The following DPP10 variants were observed in gnomAD, a reference collection of about 807,000 sequenced individuals.
DPP10 encodes inactive dipeptidyl peptidase 10.
Under a neutral mutation model 120.9 loss-of-function variants are expected in DPP10, and 33 were observed. The observed-to-expected ratio is 0.27, with a 90% CI of 0.21 to 0.37. DPP10 has a LOEUF of 0.37. Ranked by LOEUF, DPP10 falls within the 10% of genes least tolerant of loss-of-function variation. The pLI is 1.00. For synonymous variants in DPP10, 337 were observed against 326.1 expected (o/e 1.03, Z -0.36); for missense variants, 816 against 942.8 (o/e 0.87, Z 1.76).
intron 1 of DPP10, among the ~76,000 whole-genome samples, chr2:114,954,379 G>A (rs150545231): frequency 0.012 from 1,827 of 152,032 alleles, 28 homozygotes; most frequent in African/African-American, 0.042. Flanking sequence ...CACAGCGCCC[G>A]GCCAAGAAGG....
In DPP10 at chr2:115,230,921, A is replaced by T. The variant is rs570419434; in HGVS notation, c.61-78318A>T. On this transcript the variant is annotated intron_variant, in intron 1 of 25. Coordinates refer to ENST00000410059, the MANE Select transcript of DPP10 (RefSeq NM_020868.6). Reference sequence around the variant, plus strand: ...TGGCACACCATAGTTGGAAATTTTAAAAGTAAAGCCAAAATTAGCTAATTT... The same window carrying T: ...TGGCACACCATAGTTGGAAATTTTATAAGTAAAGCCAAAATTAGCTAATTT... 6.6e-4 allele frequency among the ~76,000 whole-genome samples: 101 copies of T among 152,220 alleles called. 1 individual carries two copies. The highest frequency in any genetic ancestry group is 2.3e-3 in the African/African-American group (97 of 41,570).
At chr2:114,769,146 T>G (rs1430777562) in intron 1 of DPP10, among the ~76,000 whole-genome samples, 1 of 152,144 alleles carries the variant, frequency 6.6e-6, no homozygotes, top group African/African-American at 2.4e-5. Flanking sequence ...TAGAGTAGAT[T>G]AAATGAATGA....
chr2:115,198,776 G>C (rs1288877505), intron 1 of DPP10, among the ~76,000 whole-genome samples: 2 of 151,996 alleles, frequency 1.3e-5, no homozygotes, highest in East Asian at 3.9e-4. Flanking sequence ...TAAATCTCCA[G>C]TGCCTATGTC....
intron 1 of DPP10, among the ~76,000 whole-genome samples, chr2:115,022,922 C>A (rs184701731): frequency 6.6e-6 from 1 of 151,956 alleles, no homozygotes; most frequent in East Asian, 1.9e-4. Flanking sequence ...TTCAACAAAT[C>A]GTGCTGAGAT....
intron 7 of DPP10, among the ~76,000 whole-genome samples, chr2:115,698,507 A>G (rs922075444): frequency 1.3e-5 from 2 of 152,198 alleles, no homozygotes; most frequent in Admixed American, 1.3e-4. Context: ...TTTGTACAAG[A>G]TCATGTGTGA....
At chr2:114,609,370 C>A (rs974067713) in intron 1 of DPP10, among the ~76,000 whole-genome samples, 1 of 152,056 alleles carries the variant, frequency 6.6e-6, no homozygotes, top group Non-Finnish European at 1.5e-5. Flanking sequence ...GAACTGCTTC[C>A]GTGACAGTCA....
At chr2:115,486,231 C>T (rs2075770305) in intron 3 of DPP10, among the ~76,000 whole-genome samples, 1 of 119,436 alleles carries the variant, frequency 8.4e-6, no homozygotes, top group South Asian at 3.1e-4. Flanking sequence ...GAAATATTTT[C>T]ATAAGGGTGA....
At chr2:114,917,004 G>A (rs1581292) in intron 1 of DPP10, among the ~76,000 whole-genome samples, 149,204 of 152,312 alleles carry the variant, frequency 0.98, 73,139 homozygotes, top group East Asian at 1. Context: ...AAAGTCATCC[G>A]AATAGGAAGA....
In DPP10 at chr2:115,396,777, G is replaced by GTT. The variant is rs530484296; in HGVS notation, c.271+52866_271+52867insTT. On this transcript the variant is annotated intron_variant, in intron 3 of 25. Coordinates refer to ENST00000410059, the MANE Select transcript of DPP10 (RefSeq NM_020868.6). ...TCAATCATCCACAGAGGTCAGAGCC[G>GTT]TATCAGTTTTTCCCATCCTCATTGC... Among the ~76,000 whole-genome samples, 89 of 152,170 alleles carry GTT rather than the reference G, an allele frequency of 5.8e-4. 1 individual carries two copies. In the Middle Eastern group the frequency reaches 0.01, roughly 17 times the overall value.
At chr2:114,966,542 G>A (rs1280958203) in intron 1 of DPP10, among the ~76,000 whole-genome samples, 2 of 152,056 alleles carry the variant, frequency 1.3e-5, no homozygotes, top group African/African-American at 4.8e-5. Flanking sequence ...GATGCAACAG[G>A]CTGATCTTGA....
chr2:114,661,408 CAT>C (rs1334887742), intron 1 of DPP10, among the ~76,000 whole-genome samples: 3 of 152,152 alleles, frequency 2.0e-5, no homozygotes, highest in African/African-American at 7.2e-5. Context: ...GATTGGGGCA[CAT>C]GTGTTAATGT....
At chr2:115,069,450 G>C (rs2105444642) in intron 1 of DPP10, among the ~76,000 whole-genome samples, 1 of 152,120 alleles carries the variant, frequency 6.6e-6, no homozygotes, top group Admixed American at 6.5e-5. Context: ...AGCCTTTAAA[G>C]TTTTTCCATA....
At chr2:115,542,579 A>G (rs1336199906) in intron 5 of DPP10, among the ~76,000 whole-genome samples, 4 of 151,902 alleles carry the variant, frequency 2.6e-5, no homozygotes. Flanking sequence ...TCTTGTGCAT[A>G]TTTGTGGGAA....
At chr2:114,604,838 T>A (rs1171522868) in intron 1 of DPP10, among the ~76,000 whole-genome samples, 1 of 152,090 alleles carries the variant, frequency 6.6e-6, no homozygotes, top group South Asian at 2.1e-4. Flanking sequence ...TTCTTTAATC[T>A]TTGTTTTGTT....
intron 1 of DPP10, among the ~76,000 whole-genome samples, chr2:115,057,489 C>T (rs1706019439): frequency 6.6e-6 from 1 of 152,206 alleles, no homozygotes; most frequent in South Asian, 2.1e-4. Context: ...ATGTACTAAA[C>T]CCATTAACAT....
intron 1 of DPP10, among the ~76,000 whole-genome samples, chr2:115,174,166 G>C (rs2105085036): frequency 6.6e-6 from 1 of 152,278 alleles, no homozygotes; most frequent in East Asian, 1.9e-4. Context: ...GTAAAGTCTA[G>C]GTTTTCTGCA....
At chr2:115,031,103 C>T (rs1481309522) in intron 1 of DPP10, among the ~76,000 whole-genome samples, 2 of 152,080 alleles carry the variant, frequency 1.3e-5, no homozygotes, top group African/African-American at 2.4e-5. Context: ...GCTGTCTAAG[C>T]ACCATGCAAG....
At chr2:114,826,887 G>A (rs575884434) in intron 1 of DPP10, among the ~76,000 whole-genome samples, 3 of 152,280 alleles carry the variant, frequency 2.0e-5, no homozygotes, top group African/African-American at 7.2e-5. Flanking sequence ...AGAGAAACAT[G>A]ATTGGATAAC....
intron 13 of DPP10, among the ~76,000 whole-genome samples, chr2:115,772,412 A>G (rs923112179): frequency 2.6e-5 from 4 of 152,204 alleles, no homozygotes; most frequent in African/African-American, 9.6e-5. Flanking sequence ...AAGCCCTAAT[A>G]TATGTATTTC....
Sources: allele counts gnomAD v4.1 joint callset (sites outside exome capture counted in the v4.1 genomes callset), GRCh38; gene constraint gnomAD v4.1.1; transcripts MANE v1.5; gene names NCBI Gene and HGNC (gene_info 2026-07-23, HGNC 2026-07-21).